SCHIP1: variants seen among roughly 807,000 people sequenced by gnomAD.
SCHIP1 encodes schwannomin interacting protein 1, also known as schwannomin-interacting protein 1.
In SCHIP1, 8 loss-of-function variants were observed where a neutral mutation model predicts 29.7. The ratio of observed to expected loss-of-function variants is 0.27; its 90% CI spans 0.16 to 0.49. The LOEUF is 0.49. SCHIP1 is among the 20% of genes least tolerant of loss of function. The pLI, the probability that SCHIP1 is intolerant of heterozygous loss-of-function variation, is 0.99. For missense variants in SCHIP1, 193 were observed against 294.6 expected, an observed-to-expected ratio of 0.66 and a Z score of 2.52; for synonymous variants, 76 against 94.9, an observed-to-expected ratio of 0.80 and a Z score of 1.16.
the SCHIP1 span, among the ~76,000 whole-genome samples, chr3:159,801,290 G>A: frequency 6.6e-6 from 1 of 152,082 alleles, no homozygotes; most frequent in African/African-American, 2.4e-5. Context: ...TTCTCTAAGG[G>A]GAGAAATTTC....
the SCHIP1 span, among the ~76,000 whole-genome samples, chr3:159,782,539 C>CA: frequency 9.6e-4 from 145 of 151,504 alleles, 3 homozygotes; most frequent in East Asian, 5.8e-3. Flanking sequence ...TTTTAATTTG[C>CA]AAAAAAAATC....
At chr3:159,568,901 T>C in the SCHIP1 span, among the ~76,000 whole-genome samples, 2 of 152,214 alleles carry the variant, frequency 1.3e-5, no homozygotes, top group Non-Finnish European at 2.9e-5. Flanking sequence ...TTATTAGACA[T>C]ATACAAGTTA....
the SCHIP1 span, among the ~76,000 whole-genome samples, chr3:159,832,256 G>A: frequency 5.3e-5 from 8 of 151,822 alleles, no homozygotes; most frequent in Non-Finnish European, 1.2e-4. Context: ...CTCTTTACTC[G>A]ACATTAATTT....
chr3:159,314,646 C>A, the SCHIP1 span, among the ~76,000 whole-genome samples: 54 of 152,288 alleles, frequency 3.5e-4, 1 homozygote, highest in African/African-American at 1.3e-3. Flanking sequence ...CTGAGGCCAA[C>A]ACTGAAAACA....
chr3:159,828,946 G>A, the SCHIP1 span, among the ~76,000 whole-genome samples: 20 of 152,262 alleles, frequency 1.3e-4, no homozygotes, highest in African/African-American at 4.3e-4. Context: ...GGAAAGTCTT[G>A]CCTTAGCCCT....
the SCHIP1 span, among the ~76,000 whole-genome samples, chr3:159,831,830 A>T: frequency 6.6e-6 from 1 of 152,210 alleles, no homozygotes; most frequent in Non-Finnish European, 1.5e-5. Context: ...TCCATTTAAT[A>T]GTTTCAAACC....
chr3:159,694,886 G>A, the SCHIP1 span, among the ~76,000 whole-genome samples: 52 of 152,228 alleles, frequency 3.4e-4, no homozygotes, highest in Admixed American at 6.5e-4. Flanking sequence ...GGTTGATTGG[G>A]CTCAACGTAT....
the SCHIP1 span, among the ~76,000 whole-genome samples, chr3:159,751,441 A>C: frequency 6.6e-6 from 1 of 152,252 alleles, no homozygotes; most frequent in East Asian, 1.9e-4. Context: ...TGATATTCAA[A>C]AACTTCAGAT....
chr3:159,668,238 G>T, the SCHIP1 span, among the ~76,000 whole-genome samples: 2 of 151,970 alleles, frequency 1.3e-5, no homozygotes, highest in Non-Finnish European at 2.9e-5. Context: ...TTAGCCGGGC[G>T]TGGTGGCAGG....
chr3:159,793,236 T>A, the SCHIP1 span, among the ~76,000 whole-genome samples: 1 of 152,146 alleles, frequency 6.6e-6, no homozygotes, highest in Non-Finnish European at 1.5e-5. Flanking sequence ...CTCTTGTGTG[T>A]GCACTGTCTC....
chr3:159,606,733 G>A, the SCHIP1 span, among the ~76,000 whole-genome samples: 1 of 152,134 alleles, frequency 6.6e-6, no homozygotes, highest in African/African-American at 2.4e-5. Context: ...ATAATCATGC[G>A]ATAATACAGT....
At chr3:159,530,483 GCTGGCCTTTTCCTT>G in the SCHIP1 span, among the ~76,000 whole-genome samples, 5 of 152,062 alleles carry the variant, frequency 3.3e-5, no homozygotes, top group Admixed American at 1.3e-4. Context: ...CCAGCAGATG[GCTGGCCTTTTCCTT>G]ACTTCTATAA....
chr3:159,517,735 C>T, the SCHIP1 span, among the ~76,000 whole-genome samples: 4 of 151,730 alleles, frequency 2.6e-5, no homozygotes, highest in African/African-American at 9.7e-5. Flanking sequence ...TTTATATTGA[C>T]AGTACACCCT....
At chr3:159,783,149 G>A in the SCHIP1 span, among the ~76,000 whole-genome samples, 1 of 152,202 alleles carries the variant, frequency 6.6e-6, no homozygotes, top group Non-Finnish European at 1.5e-5. Flanking sequence ...AGTCAACCTA[G>A]CTAGGATTTT....
At chr3:159,798,879 G>A in the SCHIP1 span, among the ~76,000 whole-genome samples, 3 of 152,228 alleles carry the variant, frequency 2.0e-5, no homozygotes, top group South Asian at 6.2e-4. Context: ...TACTAAATCT[G>A]AGCTTTTAAA....
chr3:159,403,066 C>G, the SCHIP1 span, among the ~76,000 whole-genome samples: 1 of 152,164 alleles, frequency 6.6e-6, no homozygotes, highest in Non-Finnish European at 1.5e-5. Context: ...GCCAGGGACT[C>G]TGAAACTGAC....
the SCHIP1 span, among the ~76,000 whole-genome samples, chr3:159,453,248 A>G: frequency 6.6e-6 from 1 of 152,140 alleles, no homozygotes; most frequent in South Asian, 2.1e-4. Flanking sequence ...CCACTGTGTG[A>G]CCCTGGATAA....
chr3:159,709,438 T>C, the SCHIP1 span, among the ~76,000 whole-genome samples: 1 of 152,096 alleles, frequency 6.6e-6, no homozygotes, highest in Admixed American at 6.6e-5. Flanking sequence ...AAATAAAATA[T>C]TTAATAAAAA....
At chr3:159,375,020 T>C in the SCHIP1 span, among the ~76,000 whole-genome samples, 1 of 152,254 alleles carries the variant, frequency 6.6e-6, no homozygotes, top group Admixed American at 6.5e-5. Context: ...ATTTTAGATG[T>C]ATTGGGTCAT....
Sources: gnomAD v4.1 joint callset for allele counts (sites outside exome capture counted in the v4.1 genomes callset) on GRCh38, gnomAD v4.1.1 for gene constraint, MANE v1.5 for transcripts, NCBI Gene and HGNC (gene_info 2026-07-23, HGNC 2026-07-21) for gene names.